Variants in OGG1 observed in about 807,000 individuals in gnomAD.
OGG1 encodes the protein 8-oxoguanine DNA glycosylase.
In OGG1, 35 loss-of-function variants were observed where a neutral mutation model predicts 42.3. The ratio of observed to expected loss-of-function variants is 0.83; its 90% CI spans 0.63 to 1.10. The LOEUF (loss-of-function observed/expected upper bound fraction) is 1.10, where lower values mean the gene tolerates loss of function less well. OGG1 is among the 50% of genes least tolerant of loss of function. The pLI is 0.00. For synonymous variants in OGG1, 189 were observed against 179.0 expected (o/e 1.06, Z -0.44); for missense variants, 484 against 446.7 (o/e 1.08, Z -0.75).
At chr3:9,784,353 G>C in intron 3 of OGG1, 1 of 1,119,406 alleles carries the variant, frequency 8.9e-7, no homozygotes, top group Non-Finnish European at 1.2e-6. Context: ...CAGATACAAA[G>C]GGAGGGACAG....
intron 3 of OGG1, chr3:9,785,254 G>A (rs2078579854): frequency 1.7e-5 from 23 of 1,357,352 alleles, no homozygotes; most frequent in Non-Finnish European, 2.3e-5. Flanking sequence ...CCCAGGTTGA[G>A]ATGGAGAGAA....
At chr3:9,759,914 A>T (rs2077768049), downstream of OGG1, 4 of 1,090,000 alleles carry the variant, frequency 3.7e-6, no homozygotes, top group African/African-American at 1.6e-5. Context: ...AGGCCCTCCC[A>T]CCCCGTGCCT....
rs140576619 is a variant in OGG1, at chr3:9,776,605, A to G, written c.295-4908A>G. On this transcript the variant is annotated intron_variant, in intron 2 of 3. Transcript: ENST00000426518. ...GGGGTTTCACCATGTTAGCCAGGATAGTCTCGATCTCCTGACCTCGTGATC... is the reference window on the plus strand; with the variant it reads ...GGGGTTTCACCATGTTAGCCAGGATGGTCTCGATCTCCTGACCTCGTGATC... Among the ~76,000 whole-genome samples, 1,030 of 151,882 alleles carry G rather than the reference A, an allele frequency of 6.8e-3. 16 individuals carry two copies. The highest frequency in any genetic ancestry group is 0.038 in the East Asian group (196 of 5,152).
Position 9,750,021 on chromosome 3 carries a change from C to T in OGG1, c.-266C>T, listed in dbSNP as rs1290728262. The stretch of plus-strand genomic sequence containing the variant: ...TGTGCGCGCCCACAGGCTCTGGGGG[C>T]GGGAGAAGATAAGTCGCAAGGAGGG... On this transcript the variant is annotated 5_prime_UTR_variant, in exon 1 of 7. Transcript: ENST00000344629. 4 of 528,020 alleles carry T rather than the reference C, an allele frequency of 7.6e-6. No individual in the cohort carries two copies. The highest frequency in any genetic ancestry group is 1.4e-5 in the Non-Finnish European group (4 of 294,968). 32.7% of individuals were successfully genotyped at this position (528,020 alleles called of 1,614,324 possible).
Position 9,787,724 on chromosome 3 carries a change from T to G in OGG1, c.383-4T>G, listed in dbSNP as rs2078649235. The G allele has an allele frequency of 6.1e-6, 8 of 1,301,010 alleles. No homozygotes were observed. The South Asian group carries it at 9.9e-5, about 16-fold the overall frequency. 80.6% of individuals were successfully genotyped at this position (1,301,010 alleles called of 1,614,324 possible). A position where few individuals can be genotyped will look rare whatever the true frequency, so the allele number is the denominator to read the frequency against. ...TACTGCTGTCTGTATGAACTCTTTT[T>G]CAGATAAATTTTTAAGAAATCAGAT... On this transcript the variant is annotated splice_region_variant and splice_polypyrimidine_tract_variant and intron_variant, in intron 3 of 3. Coordinates refer to the OGG1 transcript ENST00000426518.
At chr3:9,759,264 G>C (rs755885161), downstream of OGG1, 2 of 1,613,784 alleles carry the variant, frequency 1.2e-6, no homozygotes, top group Non-Finnish European at 1.7e-6. Context: ...AAGAATTACA[G>C]ACTTCTTCCT....
intron 3 of OGG1, among the ~76,000 whole-genome samples, chr3:9,753,649 G>C (rs1182089349): frequency 7.2e-6 from 1 of 138,726 alleles, no homozygotes; most frequent in African/African-American, 2.8e-5. Context: ...GTGAGACTCT[G>C]TCTCAACAAA....
At chr3:9,769,906 C>T (rs1382808166), downstream of OGG1, 2 of 152,236 alleles carry the variant, frequency 1.3e-5, no homozygotes, top group African/African-American at 4.8e-5. Flanking sequence ...CGGTCCTCAC[C>T]GCTGCGTGCC....
chr3:9,758,122 T>C (rs557269793), downstream of OGG1: 2 of 338,962 alleles, frequency 5.9e-6, no homozygotes, highest in Admixed American at 4.4e-5. Flanking sequence ...ACTATAGCAC[T>C]GTATGTCAGG....
chr3:9,761,966 T>G, downstream of OGG1: 2 of 623,962 alleles, frequency 3.2e-6, no homozygotes, highest in Non-Finnish European at 5.4e-6. Context: ...GGGAACTGTC[T>G]CTAAACCTCA....
chr3:9,787,215 G>A (rs775339998), intron 3 of OGG1: 9 of 1,614,172 alleles, frequency 5.6e-6, no homozygotes, highest in Non-Finnish European at 6.8e-6. Context: ...TGTCCAGTTC[G>A]GTCAGTGGCC....
At chr3:9,751,232 A>C in intron 2 of OGG1, 40 bp downstream of exon 2, 1 of 1,605,812 alleles carries the variant, frequency 6.2e-7, no homozygotes, top group Non-Finnish European at 8.5e-7. Context: ...GTTCTTGGAC[A>C]TAAGTCACTT....
exon 8 of OGG1, chr3:9,766,019 C>T (rs201237299): frequency 8.7e-6 from 14 of 1,613,714 alleles, no homozygotes; most frequent in Middle Eastern, 1.6e-4. Flanking sequence ...CCTAGTCACT[C>T]ATCCATCCCC....
chr3:9,778,460 A>G lies in OGG1; in HGVS notation c.295-3053A>G, dbSNP rs113333647. Among the ~76,000 whole-genome samples, 360 of 152,354 alleles carry G rather than the reference A, an allele frequency of 2.4e-3. 2 individuals are homozygous for G. Among genetic ancestry groups the G allele is most frequent in the Non-Finnish European group, 3.8e-3 (259 of 68,028 alleles). On this transcript the variant is annotated intron_variant, in intron 2 of 3. Transcript: ENST00000426518. The stretch of plus-strand genomic sequence containing the variant: ...CTCTAAAGCAAACTAGTTTAAGCCA[A>G]AAGAAGCCTTTGTGGGCTGATATAT...
At chr3:9,751,669 A>G in intron 2 of OGG1, 101 bp from the exon 3 acceptor site, 1 of 1,060,256 alleles carries the variant, frequency 9.4e-7, no homozygotes. Context: ...TTCTCCTGGG[A>G]TCCTCCTGGA....
chr3:9,760,393 G>A, downstream of OGG1: 1 of 397,662 alleles, frequency 2.5e-6, no homozygotes, highest in Non-Finnish European at 4.7e-6. Flanking sequence ...TAGACATTAG[G>A]GTGTCAATAG....
At chr3:9,752,529 CAAAAAAAAAA>C (rs144337359) in intron 3 of OGG1, among the ~76,000 whole-genome samples, 2 of 75,024 alleles carry the variant, frequency 2.7e-5, no homozygotes, top group African/African-American at 9.9e-5. Context: ...GACTCTGTCT[CAAAAAAAAAA>C]AAAAAAAAAA....
At chr3:9,782,839 G>A (rs1338455459) in intron 3 of OGG1, among the ~76,000 whole-genome samples, 1 of 150,908 alleles carries the variant, frequency 6.6e-6, no homozygotes, top group Admixed American at 6.6e-5. Context: ...TGTCCTGTCA[G>A]GGCTCTATGA....
downstream of OGG1, chr3:9,789,759 C>A: frequency 6.2e-7 from 1 of 1,614,192 alleles, no homozygotes; most frequent in Non-Finnish European, 8.5e-7. Flanking sequence ...TCGATAGGGT[C>A]ATCAGTGAAT....
Sources: allele counts gnomAD v4.1 joint callset (sites outside exome capture counted in the v4.1 genomes callset), GRCh38; gene constraint gnomAD v4.1.1; transcripts MANE v1.5; gene names NCBI Gene and HGNC (gene_info 2026-07-23, HGNC 2026-07-21).